The following GARIN2 variants were observed in gnomAD, a reference collection of about 807,000 sequenced individuals.
GARIN2 encodes the protein golgi associated RAB2 interactor family member 2.
At chr14:67,219,789 T>C in the GARIN2 span, among the ~76,000 whole-genome samples, 1 of 152,158 alleles carries the variant, frequency 6.6e-6, no homozygotes, top group African/African-American at 2.4e-5. Context: ...CCCTACGCCA[T>C]TTATCAGCTG....
chr14:67,198,066 A>G, the GARIN2 span: 5,314 of 1,473,932 alleles, frequency 3.6e-3, 16 homozygotes, highest in Non-Finnish European at 3.8e-3. Flanking sequence ...GAATTAATAA[A>G]TAAATGAAGC....
the GARIN2 span, among the ~76,000 whole-genome samples, chr14:67,196,177 A>T: frequency 2.0e-5 from 3 of 150,518 alleles, no homozygotes; most frequent in Non-Finnish European, 4.4e-5. Context: ...GACAAGTTTC[A>T]TACTGGAGCT....
At chr14:67,209,417 G>T in the GARIN2 span, among the ~76,000 whole-genome samples, 2 of 152,116 alleles carry the variant, frequency 1.3e-5, no homozygotes, top group African/African-American at 4.8e-5. Flanking sequence ...AACCTCTGGG[G>T]GAACAGAGTT....
the GARIN2 span, among the ~76,000 whole-genome samples, chr14:67,206,646 C>T: frequency 1.1e-4 from 16 of 152,106 alleles, no homozygotes; most frequent in East Asian, 5.8e-4. Context: ...TCTAAGTAGA[C>T]GTAAAATAAA....
At chr14:67,208,476 G>A in the GARIN2 span, 2 of 1,595,624 alleles carry the variant, frequency 1.3e-6, no homozygotes, top group Non-Finnish European at 1.7e-6. Flanking sequence ...CATGCCAAAG[G>A]AATTCTAAGA....
At chr14:67,218,335 G>A in the GARIN2 span, among the ~76,000 whole-genome samples, 8 of 152,174 alleles carry the variant, frequency 5.3e-5, no homozygotes, top group Non-Finnish European at 5.9e-5. Flanking sequence ...ACAGCTGCTT[G>A]GGTGTGGGTG....
the GARIN2 span, among the ~76,000 whole-genome samples, chr14:67,220,942 T>C: frequency 6.6e-6 from 1 of 152,254 alleles, no homozygotes; most frequent in Non-Finnish European, 1.5e-5. Flanking sequence ...TTTTGTAGGA[T>C]AATAGCTAAG....
At chr14:67,194,180 T>C in the GARIN2 span, among the ~76,000 whole-genome samples, 6 of 151,698 alleles carry the variant, frequency 4.0e-5, no homozygotes, top group East Asian at 1.2e-3. Flanking sequence ...CTGGGCAACA[T>C]GGTGAAATCC....
chr14:67,221,907 C>A, the GARIN2 span: 1 of 1,447,982 alleles, frequency 6.9e-7, no homozygotes, highest in Non-Finnish European at 9.4e-7. Flanking sequence ...CAAAGGAATT[C>A]AGCTAGACTT....
chr14:67,220,926 T>A, the GARIN2 span, among the ~76,000 whole-genome samples: 1 of 152,244 alleles, frequency 6.6e-6, no homozygotes, highest in Non-Finnish European at 1.5e-5. Context: ...TGTCTTTGCA[T>A]GTTTATTTTG....
chr14:67,210,705 C>T, the GARIN2 span, among the ~76,000 whole-genome samples: 1 of 151,622 alleles, frequency 6.6e-6, no homozygotes, highest in Non-Finnish European at 1.5e-5. Flanking sequence ...GACAGTTTAA[C>T]ACAGCCAATA....
chr14:67,198,160 C>T, the GARIN2 span: 1 of 1,607,856 alleles, frequency 6.2e-7, no homozygotes, highest in South Asian at 1.1e-5. Flanking sequence ...TGTGCAAGCG[C>T]AATGAAGAAG....
At chr14:67,198,203 G>C in the GARIN2 span, 1 of 1,613,834 alleles carries the variant, frequency 6.2e-7, no homozygotes, top group Non-Finnish European at 8.5e-7. Context: ...GGATCAATAA[G>C]CAAGATGCTC....
the GARIN2 span, among the ~76,000 whole-genome samples, chr14:67,198,648 G>A: frequency 9.9e-5 from 15 of 152,212 alleles, 3 homozygotes; most frequent in East Asian, 1.9e-4. Flanking sequence ...TTTCTTAGGC[G>A]TAGAAGACAT....
At chr14:67,193,936 C>T in the GARIN2 span, among the ~76,000 whole-genome samples, 1 of 91,266 alleles carries the variant, frequency 1.1e-5, no homozygotes, top group African/African-American at 7.4e-5. Flanking sequence ...CAGAGCAAGA[C>T]CCTGTCTCAA....
the GARIN2 span, among the ~76,000 whole-genome samples, chr14:67,219,835 C>T: frequency 6.6e-6 from 1 of 152,074 alleles, no homozygotes; most frequent in Non-Finnish European, 1.5e-5. Flanking sequence ...TGAAGAAAAA[C>T]AAAACAAAAC....
the GARIN2 span, among the ~76,000 whole-genome samples, chr14:67,225,972 C>T: frequency 6.3e-3 from 674 of 107,254 alleles, 6 homozygotes; most frequent in African/African-American, 0.018. Context: ...TGCGCGCGCG[C>T]GCGTGCGCAT....
the GARIN2 span, chr14:67,198,264 G>T: frequency 6.2e-7 from 1 of 1,613,894 alleles, no homozygotes; most frequent in Non-Finnish European, 8.5e-7. Flanking sequence ...TATGTTGGAT[G>T]GAGGAGAGTA....
the GARIN2 span, among the ~76,000 whole-genome samples, chr14:67,219,079 G>A: frequency 6.6e-6 from 1 of 151,990 alleles, no homozygotes; most frequent in African/African-American, 2.4e-5. Context: ...GTCTCAAGCA[G>A]CAGTTTGGCT....
Sources: allele counts gnomAD v4.1 joint callset (sites outside exome capture counted in the v4.1 genomes callset), GRCh38; gene constraint gnomAD v4.1.1; transcripts MANE v1.5; gene names NCBI Gene and HGNC (gene_info 2026-07-23, HGNC 2026-07-21).